Variants in UGT1A5 observed in about 807,000 individuals in gnomAD.
UGT1A5 encodes the protein UDP-glucuronosyltransferase 1A5.
UGT1A5 carries 29 observed loss-of-function variants against 40.3 expected under a neutral mutation model. The ratio of observed to expected loss-of-function variants is 0.72; its 90% CI spans 0.54 to 0.98. The LOEUF is 0.98. Ranked by LOEUF, UGT1A5 falls within the 50% of genes least tolerant of loss-of-function variation. UGT1A5 has a pLI of 0.00. For missense variants in UGT1A5, 678 were observed against 677.9 expected (o/e 1.00, Z 0.00); for synonymous variants, 257 against 262.5 (o/e 0.98, Z 0.20).
intron 1 of UGT1A5, chr2:233,753,657 TTGTG>T (rs1007260491): frequency 1.3e-5 from 2 of 152,228 alleles, no homozygotes; most frequent in African/African-American, 4.8e-5. Context: ...ACTTTCTCAA[TTGTG>T]TGTATGGTGC....
At chr2:233,743,042 G>A (rs554129345) in intron 1 of UGT1A5, 2 of 311,812 alleles carry the variant, frequency 6.4e-6, no homozygotes, top group East Asian at 8.2e-5. Flanking sequence ...GGTCCTATCC[G>A]TGTAGTCCCA....
intron 1 of UGT1A5, chr2:233,719,795 T>A: frequency 1.9e-6 from 3 of 1,604,386 alleles, no homozygotes; most frequent in Non-Finnish European, 2.6e-6. Flanking sequence ...AAAGATTTTA[T>A]TTTGGCTTCT....
chr2:233,730,167 A>T (rs999058879), intron 1 of UGT1A5, among the ~76,000 whole-genome samples: 1 of 152,206 alleles, frequency 6.6e-6, no homozygotes, highest in African/African-American at 2.4e-5. Flanking sequence ...CTAGTAGCGT[A>T]TTTCAGGTTT....
chr2:233,748,052 C>G, intron 1 of UGT1A5: 1 of 1,613,446 alleles, frequency 6.2e-7, no homozygotes, highest in Non-Finnish European at 8.5e-7. Context: ...GGGGCATCAA[C>G]TGTGCCAACA....
chr2:233,756,725 G>A (rs1363632350), intron 1 of UGT1A5, among the ~76,000 whole-genome samples: 1 of 152,038 alleles, frequency 6.6e-6, no homozygotes, highest in Non-Finnish European at 1.5e-5. Flanking sequence ...TGAGATCTGA[G>A]TTCTCTTCAC....
In UGT1A5 at chr2:233,724,657, C is replaced by T. The variant is rs536267654; in HGVS notation, c.867+10799C>T. 3.3e-4 allele frequency among the ~76,000 whole-genome samples: 47 copies of T among 142,730 alleles called. 7 individuals are homozygous for T. The East Asian group carries it at 7.4e-3, about 23-fold the overall frequency. 93.6% of individuals were successfully genotyped at this position (142,730 alleles called of 152,430 possible). On this transcript the variant is annotated intron_variant, in intron 1 of 4. Transcript: ENST00000373414. The stretch of plus-strand genomic sequence containing the variant: ...AGATGTGATGGCGGCTGGGAAGAGG[C>T]GCTCCTCACTTCCTAGATGGGATGG...
chr2:233,719,732 C>T (rs765294147), intron 1 of UGT1A5: 1 of 1,613,492 alleles, frequency 6.2e-7, no homozygotes, highest in South Asian at 1.1e-5. Flanking sequence ...AGGCAAAACA[C>T]TTTTTAAAAA....
At chr2:233,735,312 T>C (rs924133662) in intron 1 of UGT1A5, among the ~76,000 whole-genome samples, 9 of 152,172 alleles carry the variant, frequency 5.9e-5, no homozygotes, top group Admixed American at 1.3e-4. Context: ...GTCTGTTTTA[T>C]CAGAGACTAG....
intron 1 of UGT1A5, among the ~76,000 whole-genome samples, chr2:233,733,511 G>A (rs181008705): frequency 9.2e-5 from 14 of 152,226 alleles, no homozygotes; most frequent in Admixed American, 6.5e-4. Context: ...CCAGTTTTAG[G>A]CATGAAGGGA....
chr2:233,738,999 G>A (rs907486973), intron 1 of UGT1A5: 14 of 152,246 alleles, frequency 9.2e-5, no homozygotes, highest in African/African-American at 2.7e-4. Flanking sequence ...TTGGTGCCCT[G>A]TGTCCCAGTG....
intron 1 of UGT1A5, chr2:233,722,033 A>G (rs915638296): frequency 4.1e-6 from 1 of 246,466 alleles, no homozygotes; most frequent in Non-Finnish European, 8.1e-6. Context: ...CTTGAATTGC[A>G]TGATTTTGTG....
intron 4 of UGT1A5, chr2:233,771,409 C>G (rs1252416049): frequency 6.6e-6 from 1 of 152,166 alleles, no homozygotes; most frequent in Non-Finnish European, 1.5e-5. Flanking sequence ...TGAACACTGT[C>G]CAGAATAAAC....
At chr2:233,760,261 C>T (rs2125981397) in intron 1 of UGT1A5, 4 of 1,611,118 alleles carry the variant, frequency 2.5e-6, no homozygotes, top group South Asian at 1.1e-5. Flanking sequence ...TAGGAGAGGG[C>T]GAACCTCTGG....
intron 1 of UGT1A5, chr2:233,743,535 C>T: frequency 7.3e-7 from 1 of 1,367,194 alleles, no homozygotes; most frequent in Non-Finnish European, 9.8e-7. Flanking sequence ...CCCAGCAGTT[C>T]CTCTGACCCC....
At chr2:233,754,817 C>A in intron 1 of UGT1A5, 1 of 1,330,844 alleles carries the variant, frequency 7.5e-7, no homozygotes, top group East Asian at 4.7e-5. Flanking sequence ...AAAAACCACC[C>A]TCAAAAGCTG....
chr2:233,754,469 T>C (rs1695491558), intron 1 of UGT1A5: 1 of 357,106 alleles, frequency 2.8e-6, no homozygotes, highest in Non-Finnish European at 5.5e-6. Flanking sequence ...GTTCTGAAAG[T>C]AAAGTTCACT....
rs1355599661 is a variant in UGT1A5, at chr2:233,766,653, G to C, written c.868-381G>C. Among the ~76,000 whole-genome samples the C allele has an allele frequency of 2.6e-5, 4 of 152,090 alleles. No individual in the cohort carries two copies. In the East Asian group the frequency reaches 7.7e-4, roughly 29 times the overall value. On this transcript the variant is annotated intron_variant, in intron 1 of 4. Transcript: ENST00000373414. ...TCCCTACTTCCATATCATTTAAAGG[G>C]ACCACGCCCTTCCCAGCTCTTCCCT...
intron 1 of UGT1A5, among the ~76,000 whole-genome samples, chr2:233,730,198 G>A (rs544900257): frequency 2.0e-5 from 3 of 152,306 alleles, no homozygotes; most frequent in South Asian, 4.2e-4. Context: ...CTGAGAGGAA[G>A]AGGAAGTAGA....
At chr2:233,752,814 C>T (rs1695070900) in intron 1 of UGT1A5, among the ~76,000 whole-genome samples, 1 of 152,214 alleles carries the variant, frequency 6.6e-6, no homozygotes, top group African/African-American at 2.4e-5. Flanking sequence ...GAACACTTCC[C>T]ATTTATGACA....
Sources: allele counts gnomAD v4.1 joint callset (sites outside exome capture counted in the v4.1 genomes callset), GRCh38; gene constraint gnomAD v4.1.1; transcripts MANE v1.5; gene names NCBI Gene and HGNC (gene_info 2026-07-23, HGNC 2026-07-21).